Variants in AMBRA1 observed in about 807,000 individuals in gnomAD.
AMBRA1 encodes the protein activating molecule in BECN1-regulated autophagy protein 1.
Under a neutral mutation model 125.4 loss-of-function variants are expected in AMBRA1, and 47 were observed. The observed-to-expected ratio is 0.37, with a 90% CI of 0.30 to 0.48. The LOEUF (loss-of-function observed/expected upper bound fraction) is 0.48, where lower values mean the gene tolerates loss of function less well. Ranked by LOEUF, AMBRA1 falls within the 20% of genes least tolerant of loss-of-function variation. The pLI is 0.99. For synonymous variants in AMBRA1, 626 were observed against 655.5 expected, an observed-to-expected ratio of 0.95 and a Z score of 0.69; for missense variants, 1,331 against 1,693.4, an observed-to-expected ratio of 0.79 and a Z score of 3.76.
chr11:46,534,801 G>T (rs1321042161), intron 7 of AMBRA1, among the ~76,000 whole-genome samples: 1 of 152,130 alleles, frequency 6.6e-6, no homozygotes, highest in Non-Finnish European at 1.5e-5. Context: ...AGCCCCACGA[G>T]TAGCTGGGAC....
chr11:46,530,601 A>C (rs971227747), intron 7 of AMBRA1: 1 of 152,200 alleles, frequency 6.6e-6, no homozygotes, highest in Non-Finnish European at 1.5e-5. Context: ...TCTAGTCCAA[A>C]CTAGAGAGAG....
At chr11:46,443,714 G>C (rs774194297) in intron 11 of AMBRA1, 116 bp from the exon 12 acceptor site, 3 of 854,256 alleles carry the variant, frequency 3.5e-6, no homozygotes, top group Non-Finnish European at 5.5e-6. Context: ...ACTAGACTAT[G>C]GCTGAAGAAA....
chr11:46,549,994 T>C (rs1213955761), intron 1 of AMBRA1, among the ~76,000 whole-genome samples: 1 of 152,178 alleles, frequency 6.6e-6, no homozygotes, highest in Non-Finnish European at 1.5e-5. Context: ...AATTTTTGTA[T>C]TTTTAGTAAA....
intron 11 of AMBRA1, among the ~76,000 whole-genome samples, chr11:46,459,767 CACACACA>C (rs1209324603): frequency 6.7e-6 from 1 of 149,508 alleles, no homozygotes; most frequent in African/African-American, 2.4e-5. Flanking sequence ...CACACACACA[CACACACA>C]CCCTGGAATA....
chr11:46,516,492 A>G (rs905492917), intron 7 of AMBRA1, among the ~76,000 whole-genome samples: 6 of 131,504 alleles, frequency 4.6e-5, no homozygotes, highest in African/African-American at 1.8e-4. Context: ...GTGCAGTGGC[A>G]CGATCTCGGC....
intron 12 of AMBRA1, among the ~76,000 whole-genome samples, chr11:46,442,342 C>T (rs1271551800): frequency 2.6e-5 from 4 of 152,002 alleles, no homozygotes; most frequent in African/African-American, 7.3e-5. Flanking sequence ...GAGGTTTCAT[C>T]ATGTTGGCCA....
Position 46,408,694 on chromosome 11 carries a change from G to T in AMBRA1, c.3222C>A (p.Ala1074=). 6.4e-7 allele frequency: 1 copy of T among 1,553,070 alleles called. No homozygotes were observed. The highest frequency in any genetic ancestry group is 8.7e-7 in the Non-Finnish European group (1 of 1,145,174). The stretch of plus-strand genomic sequence containing the variant: ...CCATGTCTCTGTCTGTCCTCCATGT[G>T]GCTCTGCTGGTTCTAGGGAGAGAAA... ...RSSERPGTSR[A]TWRTDRDMGL... The change falls in exon 17 of 18, where the codon GCC becomes GCA. Residue 1074 remains alanine (A), a synonymous_variant. Transcript: ENST00000683756.
At chr11:46,516,807 C>T (rs1025224049) in intron 7 of AMBRA1, among the ~76,000 whole-genome samples, 8 of 152,008 alleles carry the variant, frequency 5.3e-5, no homozygotes, top group Admixed American at 3.3e-4. Context: ...AAATTGAATG[C>T]GATGGCAGTT....
chr11:46,410,531 C>T (rs1946235157), intron 15 of AMBRA1, among the ~76,000 whole-genome samples, 163 bp from the exon 16 acceptor site: 1 of 152,208 alleles, frequency 6.6e-6, no homozygotes, highest in Non-Finnish European at 1.5e-5. Context: ...CATCAGGATG[C>T]TCAGTGCTGG....
chr11:46,551,205 A>G (rs1250334871), intron 1 of AMBRA1, among the ~76,000 whole-genome samples: 3 of 152,154 alleles, frequency 2.0e-5, no homozygotes, highest in Non-Finnish European at 4.4e-5. Context: ...AAGAAGAAAA[A>G]CTAATGGTAA....
intron 1 of AMBRA1, among the ~76,000 whole-genome samples, chr11:46,549,560 T>C (rs759417764): frequency 2.5e-4 from 38 of 152,212 alleles, no homozygotes; most frequent in Non-Finnish European, 2.4e-4. Flanking sequence ...ATGCAACTCC[T>C]AGGAAGAAGG....
intron 1 of AMBRA1, among the ~76,000 whole-genome samples, chr11:46,576,517 T>TAA (rs1285653729): frequency 3.9e-5 from 6 of 152,312 alleles, no homozygotes; most frequent in Admixed American, 1.3e-4. Flanking sequence ...CCCTCATTTC[T>TAA]AAACAAGCTC....
chr11:46,560,713 T>C (rs1305070155), intron 1 of AMBRA1, among the ~76,000 whole-genome samples: 9 of 152,154 alleles, frequency 5.9e-5, no homozygotes, highest in African/African-American at 9.7e-5. Flanking sequence ...TGAAGCTCAA[T>C]TTTTTGGTTT....
At position 46,543,990 on chromosome 11, in the gene AMBRA1, G is replaced by A. The variant is rs1952877193; in HGVS notation, c.603C>T (p.Asn201=). 5 of 1,613,930 alleles carry A rather than the reference G, an allele frequency of 3.1e-6. No homozygotes were observed. The highest frequency in any genetic ancestry group is 4.2e-6 in the Non-Finnish European group (5 of 1,179,850). The change falls in exon 6 of 18, where the codon AAC becomes AAT. Residue 201 remains asparagine (N), a synonymous_variant. Transcript: ENST00000683756. The part of the protein sequence containing the change: ...LGHYLLTAIV[N]PSNQQGDDEP... ...ACTAACTTACCTGTTGATTAGAGGGGTTAACAATTGCTGTGAGTAAGTAGT... is the reference window on the plus strand; with the variant it reads ...ACTAACTTACCTGTTGATTAGAGGGATTAACAATTGCTGTGAGTAAGTAGT...
rs371249875 is a variant in AMBRA1, at chr11:46,497,723, C to T, written c.2340-3519G>A. ...AAGGTCAAAATATACTACAAAAGGACGAGTTCGACAGGAAGAGGGGAAAAG... is the reference window on the plus strand; with the variant it reads ...AAGGTCAAAATATACTACAAAAGGATGAGTTCGACAGGAAGAGGGGAAAAG... On this transcript the variant is annotated intron_variant, in intron 9 of 17. Transcript: ENST00000683756. 1.3e-3 allele frequency among the ~76,000 whole-genome samples: 192 copies of T among 152,172 alleles called. No homozygotes were observed. In the Middle Eastern group the frequency reaches 0.014, roughly 11 times the overall value.
rs113531907 is a variant in AMBRA1, at chr11:46,583,037, C to T, written c.-121+10791G>A. ...AAACATTTATCAAATGAATGACTGT[C>T]GCCAAGTCAATCCTAAGCCAAAAGA... On this transcript the variant is annotated intron_variant, in intron 1 of 17. Coordinates refer to ENST00000683756, the MANE Select transcript of AMBRA1 (RefSeq NM_001387011.1). Among the ~76,000 whole-genome samples, 782 of 152,044 alleles carry T rather than the reference C, an allele frequency of 5.1e-3. 7 individuals carry two copies. The highest frequency in any genetic ancestry group is 0.018 in the African/African-American group (734 of 41,488).
chr11:46,475,651 A>G (rs72912116), intron 11 of AMBRA1, among the ~76,000 whole-genome samples: 17 of 152,340 alleles, frequency 1.1e-4, no homozygotes, highest in Non-Finnish European at 2.4e-4. Context: ...TCCCAGTTTG[A>G]TAATTTGTTT....
At chr11:46,423,393 TA>T (rs1440997334) in intron 14 of AMBRA1, among the ~76,000 whole-genome samples, 15 of 152,168 alleles carry the variant, frequency 9.9e-5, no homozygotes, top group African/African-American at 3.4e-4. Context: ...TTTATTATTT[TA>T]TTTTTTTTCT....
chr11:46,515,473 AAAAC>A (rs147206577), intron 7 of AMBRA1, among the ~76,000 whole-genome samples: 29,930 of 151,258 alleles, frequency 0.2, 3,341 homozygotes, highest in African/African-American at 0.3. Context: ...ACTGCATCTC[AAAAC>A]AAACAAACAA....
Sources: gnomAD v4.1 joint callset for allele counts (sites outside exome capture counted in the v4.1 genomes callset) on GRCh38, gnomAD v4.1.1 for gene constraint, MANE v1.5 for transcripts, NCBI Gene and HGNC (gene_info 2026-07-23, HGNC 2026-07-21) for gene names.